The following L3MBTL4 variants were observed in gnomAD, a reference collection of about 807,000 sequenced individuals.
L3MBTL4 encodes L3MBTL histone methyl-lysine binding protein 4.
A neutral mutation model predicts 84.5 loss-of-function variants in L3MBTL4; 70 were observed. The ratio of observed to expected loss-of-function variants is 0.83; its 90% CI spans 0.68 to 1.01. The LOEUF is 1.01. Ranked by LOEUF, L3MBTL4 falls within the 50% of genes least tolerant of loss-of-function variation. The probability of loss-of-function intolerance (pLI) is 0.00; values close to 1 mark genes in which losing one functional copy is unlikely to be tolerated. For synonymous variants in L3MBTL4, 274 were observed against 259.8 expected, an observed-to-expected ratio of 1.05 and a Z score of -0.52; for missense variants, 715 against 754.8, an observed-to-expected ratio of 0.95 and a Z score of 0.62.
chr18:6,130,052 T>C (rs188208557), intron 14 of L3MBTL4, among the ~76,000 whole-genome samples: 16 of 152,334 alleles, frequency 1.1e-4, no homozygotes, highest in Admixed American at 3.9e-4. Context: ...TTATACTCTT[T>C]AGTGAATAAA....
At chr18:6,065,224 T>C (rs1366807669) in intron 16 of L3MBTL4, among the ~76,000 whole-genome samples, 1 of 151,974 alleles carries the variant, frequency 6.6e-6, no homozygotes, top group African/African-American at 2.4e-5. Flanking sequence ...GTATTATTAT[T>C]ATTTTTTGAT....
chr18:6,147,430 G>A (rs2042702146), intron 13 of L3MBTL4, among the ~76,000 whole-genome samples: 1 of 151,882 alleles, frequency 6.6e-6, no homozygotes, highest in Non-Finnish European at 1.5e-5. Context: ...TGGGTTTCAG[G>A]ACATCATATT....
At chr18:6,295,346 C>CTCTCTCTCTATA (rs1261475809) in intron 4 of L3MBTL4, among the ~76,000 whole-genome samples, 7 of 81,382 alleles carry the variant, frequency 8.6e-5, no homozygotes, top group African/African-American at 4.0e-4. Context: ...CTCTCTCTCT[C>CTCTCTCTCTATA]TATATATATA....
intron 11 of L3MBTL4, among the ~76,000 whole-genome samples, chr18:6,213,694 G>C (rs781516003): frequency 1.3e-5 from 2 of 152,172 alleles, no homozygotes; most frequent in Non-Finnish European, 2.9e-5. Context: ...TTACAGGCGT[G>C]AGCCATCATG....
At chr18:6,110,114 C>T (rs894402647) in intron 14 of L3MBTL4, among the ~76,000 whole-genome samples, 1 of 151,994 alleles carries the variant, frequency 6.6e-6, no homozygotes, top group African/African-American at 2.4e-5. Context: ...ACTCAGTCTA[C>T]ATACTCCCTC....
intron 4 of L3MBTL4, among the ~76,000 whole-genome samples, chr18:6,273,589 G>A (rs934049065): frequency 1.1e-4 from 11 of 95,884 alleles, no homozygotes; most frequent in Non-Finnish European, 2.1e-4. Flanking sequence ...CATGACAGTC[G>A]GAAGTGGGAG....
intron 1 of L3MBTL4, among the ~76,000 whole-genome samples, chr18:6,335,090 CTTTA>C (rs1440591173): frequency 6.6e-6 from 1 of 152,034 alleles, no homozygotes; most frequent in African/African-American, 2.4e-5. Flanking sequence ...TTTTATTTTA[CTTTA>C]TTTATTCATT....
intron 12 of L3MBTL4, among the ~76,000 whole-genome samples, chr18:6,178,111 T>G (rs1367092557): frequency 6.6e-6 from 1 of 152,128 alleles, no homozygotes; most frequent in Non-Finnish European, 1.5e-5. Context: ...AAAAAAAATC[T>G]TTTTCAATTT....
intron 16 of L3MBTL4, among the ~76,000 whole-genome samples, chr18:5,989,682 G>C (rs572391202): frequency 6.6e-6 from 1 of 152,316 alleles, no homozygotes; most frequent in South Asian, 2.1e-4. Flanking sequence ...TGCAGAATTG[G>C]GGCAGGGAGG....
At chr18:6,025,532 T>A (rs1052767602) in intron 16 of L3MBTL4, among the ~76,000 whole-genome samples, 1 of 152,236 alleles carries the variant, frequency 6.6e-6, no homozygotes, top group Admixed American at 6.5e-5. Flanking sequence ...TCTGTTTAAC[T>A]CTTCCAGACC....
chr18:5,955,936 T>G lies in L3MBTL4; in HGVS notation c.*284A>C, dbSNP rs1488457266. ...ACGGAGAAGAATAAAGGTGGATGTG[T>G]GGGCTTCTTTGGTCTGTCTTGCAAA... On this transcript the variant is annotated 3_prime_UTR_variant, in exon 19 of 19. Coordinates refer to ENST00000317931, the MANE Select transcript of L3MBTL4 (RefSeq NM_001330559.2). 1 of 295,122 alleles carries G rather than the reference T, an allele frequency of 3.4e-6. No individual in the cohort carries two copies. Among genetic ancestry groups the G allele is most frequent in the Admixed American group, 4.9e-5 (1 of 20,446 alleles). The allele number at this position is 295,122 out of a possible 1,614,324, so 18.3% of individuals were successfully genotyped here.
chr18:6,324,752 A>G (rs1439755259), intron 1 of L3MBTL4, among the ~76,000 whole-genome samples: 1 of 98,856 alleles, frequency 1.0e-5, no homozygotes, highest in Non-Finnish European at 2.0e-5. Context: ...AGCCTGGATC[A>G]TCAGCCCAAT....
rs931972960 is a variant in L3MBTL4, at chr18:6,364,773, G to A, written c.-91+50028C>T. Among the ~76,000 whole-genome samples, 4 of 151,802 alleles carry A rather than the reference G, an allele frequency of 2.6e-5. No individual in the cohort carries two copies. The East Asian group carries it at 5.8e-4, about 22-fold the overall frequency. ...TATCTATCATATATACTTTCTACAC[G>A]ATGCCTAATACTTTCATAACTGTAA... On this transcript the variant is annotated intron_variant, in intron 1 of 18. Coordinates refer to ENST00000317931, the MANE Select transcript of L3MBTL4 (RefSeq NM_001330559.2).
chr18:6,249,496 T>C (rs2047831270), intron 5 of L3MBTL4, among the ~76,000 whole-genome samples: 1 of 152,186 alleles, frequency 6.6e-6, no homozygotes. Context: ...CAATGGAACA[T>C]TTGGGAGCTT....
At chr18:6,258,233 G>A (rs1012523827) in intron 5 of L3MBTL4, among the ~76,000 whole-genome samples, 13 of 152,186 alleles carry the variant, frequency 8.5e-5, no homozygotes, top group Admixed American at 5.2e-4. Context: ...TGCTTTCCTA[G>A]GGAGCAGGGA....
chr18:6,122,696 C>T (rs760465567), intron 14 of L3MBTL4, among the ~76,000 whole-genome samples: 2 of 152,206 alleles, frequency 1.3e-5, no homozygotes, highest in African/African-American at 4.8e-5. Context: ...TGGACTAATA[C>T]ACAACCTTAC....
Position 5,956,280 on chromosome 18 carries a change from G to C in L3MBTL4, c.1785C>G (p.Phe595Leu), listed in dbSNP as rs763351114. 3.7e-6 allele frequency: 6 copies of C among 1,613,938 alleles called. No individual in the cohort carries two copies. In the South Asian group the frequency reaches 6.6e-5, roughly 18 times the overall value. ...ALKIYNSILM[F>L]RHSQELPEED... ...CTTCAGGGAGTTCCTGGGAATGCCT[G>C]AACATCAGGATAGAGTTGTAAATCT... Residue 595 changes from phenylalanine (F) to leucine (L), a missense_variant, in exon 19 of 19, where the codon TTC becomes TTG. Physicochemically the swap from Phe to Leu is conservative, Grantham distance 22. Coordinates refer to ENST00000317931, the MANE Select transcript of L3MBTL4 (RefSeq NM_001330559.2).
intron 4 of L3MBTL4, among the ~76,000 whole-genome samples, chr18:6,294,713 TCAAAA>T (rs571736696): frequency 3.4e-4 from 46 of 137,000 alleles, no homozygotes; most frequent in African/African-American, 8.2e-4. Flanking sequence ...GCTCAATCAA[TCAAAA>T]CAAAACAAAA....
At position 6,036,703 on chromosome 18, in the gene L3MBTL4, C is replaced by A. The variant is rs570048871; in HGVS notation, c.1444+44178G>T. ...TTGTGATTACTTATTGAAAACTGAG[C>A]ATTTAAATCTAAAATGTGGTGACTC... On this transcript the variant is annotated intron_variant, in intron 16 of 18. Coordinates refer to ENST00000317931, the MANE Select transcript of L3MBTL4 (RefSeq NM_001330559.2). 1.9e-4 allele frequency among the ~76,000 whole-genome samples: 29 copies of A among 152,298 alleles called. No homozygotes were observed. The South Asian group carries it at 2.1e-3, about 11-fold the overall frequency.
Sources: allele counts gnomAD v4.1 joint callset (sites outside exome capture counted in the v4.1 genomes callset), GRCh38; gene constraint gnomAD v4.1.1; transcripts MANE v1.5; gene names NCBI Gene and HGNC (gene_info 2026-07-23, HGNC 2026-07-21).